Variants in TRIO observed in about 807,000 individuals in gnomAD.
TRIO encodes the protein triple functional domain protein.
TRIO carries 58 observed loss-of-function variants against 351.9 expected under a neutral mutation model. That is an observed-to-expected ratio of 0.16 (90% CI 0.13 to 0.21). The LOEUF (loss-of-function observed/expected upper bound fraction) is 0.21. Ranked by LOEUF, TRIO falls within the 10% of genes least tolerant of loss-of-function variation. The pLI is 1.00. For synonymous variants in TRIO, 1,758 were observed against 1,595.7 expected (o/e 1.10, Z -2.42); for missense variants, 3,201 against 4,027.8 (o/e 0.79, Z 5.56).
intron 1 of TRIO, among the ~76,000 whole-genome samples, chr5:14,170,100 T>C (rs181611007): frequency 1.2e-3 from 181 of 152,352 alleles, no homozygotes; most frequent in African/African-American, 4.3e-3. Context: ...GGAGCTCATC[T>C]GTAATCCTGG....
intron 46 of TRIO, 98 bp from the exon 47 acceptor site, chr5:14,484,971 A>G: frequency 1.5e-6 from 2 of 1,297,760 alleles, no homozygotes; most frequent in South Asian, 2.0e-5. Flanking sequence ...CTGTCCACAT[A>G]GCCCACATTT....
chr5:14,427,664 A>T (rs557187010), intron 34 of TRIO, among the ~76,000 whole-genome samples: 1 of 152,048 alleles, frequency 6.6e-6, no homozygotes, highest in Non-Finnish European at 1.5e-5. Context: ...CTTGTCCTGG[A>T]TTCTCACCGG....
chr5:14,481,533 T>A lies in TRIO; in HGVS notation c.6388-8T>A, dbSNP rs1755515647. 1 of 1,613,872 alleles carries A rather than the reference T, an allele frequency of 6.2e-7. No homozygotes were observed. The highest frequency in any genetic ancestry group is 1.1e-5 in the South Asian group (1 of 91,060). ...TGAGCTTTCACTCTTCTCTCTCCCC[T>A]CCCACAGAGAGCTGTGGAAGTCATG... On this transcript the variant is annotated splice_region_variant and splice_polypyrimidine_tract_variant and intron_variant, in intron 44 of 56. Transcript: ENST00000344204.
At chr5:14,399,301 C>T in intron 30 of TRIO, 1 of 523,120 alleles carries the variant, frequency 1.9e-6, no homozygotes. Context: ...TTCTTAAATC[C>T]TGTATCATAT....
At position 14,487,523 on chromosome 5, in the gene TRIO, AGCGGGGGCAGCGGCGGGG is replaced by A. The variant is rs1489789106; in HGVS notation, c.6897_6914del (p.Gly2307_Gly2312del). Reference sequence around the variant, plus strand: ...CAGCGGGGGCGGCGGCGGCGGCGGCAGCGGGGGCAGCGGCGGGGGTGGGGGCAGCGGCGGCGGCGGGGC... The same window carrying A: ...CAGCGGGGGCGGCGGCGGCGGCGGCAGTGGGGGCAGCGGCGGCGGCGGGGC... On this transcript the variant is annotated inframe_deletion, in exon 48 of 57. Coordinates refer to ENST00000344204, the MANE Select transcript of TRIO (RefSeq NM_007118.4). 4 of 897,880 alleles carry A rather than the reference AGCGGGGGCAGCGGCGGGG, an allele frequency of 4.5e-6. No homozygotes were observed. The African/African-American group carries it at 7.3e-5, about 16-fold the overall frequency. The allele number at this position is 897,880 out of a possible 1,614,324, so 55.6% of individuals were successfully genotyped here. A position where few individuals can be genotyped will look rare whatever the true frequency, so the allele number is the denominator to read the frequency against.
intron 1 of TRIO, among the ~76,000 whole-genome samples, chr5:14,146,373 C>T (rs530410862): frequency 6.6e-6 from 1 of 152,324 alleles, no homozygotes; most frequent in South Asian, 2.1e-4. Flanking sequence ...GCCAACCTGA[C>T]TTAGACAAAG....
chr5:14,257,428 T>C (rs1359517580), intron 1 of TRIO, among the ~76,000 whole-genome samples: 3 of 152,128 alleles, frequency 2.0e-5, no homozygotes, highest in Non-Finnish European at 4.4e-5. Context: ...TAGTAGTCTC[T>C]TCCAGGAAAA....
At chr5:14,325,312 C>G (rs1467048156) in intron 9 of TRIO, among the ~76,000 whole-genome samples, 2 of 152,184 alleles carry the variant, frequency 1.3e-5, no homozygotes, top group African/African-American at 2.4e-5. Flanking sequence ...TTATTTGGCT[C>G]ACGGTTCTGC....
intron 34 of TRIO, among the ~76,000 whole-genome samples, chr5:14,430,430 A>G (rs1751001495): frequency 6.6e-6 from 1 of 152,172 alleles, no homozygotes; most frequent in South Asian, 2.1e-4. Flanking sequence ...CCACATAACA[A>G]ATAAATGGCA....
chr5:14,148,744 T>A (rs1308567178), intron 1 of TRIO, among the ~76,000 whole-genome samples: 1 of 152,172 alleles, frequency 6.6e-6, no homozygotes, highest in Non-Finnish European at 1.5e-5. Flanking sequence ...ATCCTCCCAT[T>A]TCTTCCAAGT....
chr5:14,218,356 T>C (rs150333933), intron 1 of TRIO, among the ~76,000 whole-genome samples: 42 of 152,374 alleles, frequency 2.8e-4, no homozygotes, highest in Admixed American at 5.9e-4. Context: ...ATAACCCACA[T>C]AGAAGACTGA....
chr5:14,402,751 A>G (rs1748191850), intron 31 of TRIO, among the ~76,000 whole-genome samples: 1 of 147,224 alleles, frequency 6.8e-6, no homozygotes, highest in African/African-American at 2.5e-5. Flanking sequence ...GAGGGTATAG[A>G]TGGTGGTGGC....
At chr5:14,385,558 T>C (rs766307894) in intron 21 of TRIO, among the ~76,000 whole-genome samples, 6 of 152,216 alleles carry the variant, frequency 3.9e-5, no homozygotes, top group Non-Finnish European at 7.3e-5. Context: ...AAAATACTTA[T>C]ATACATTTGC....
At chr5:14,435,014 C>G (rs566354397) in intron 34 of TRIO, among the ~76,000 whole-genome samples, 1 of 152,240 alleles carries the variant, frequency 6.6e-6, no homozygotes, top group Non-Finnish European at 1.5e-5. Flanking sequence ...CTTCTCCGTG[C>G]ATCACGTCAG....
intron 1 of TRIO, among the ~76,000 whole-genome samples, chr5:14,148,175 G>T (rs1243317953): frequency 6.6e-6 from 1 of 152,200 alleles, no homozygotes; most frequent in African/African-American, 2.4e-5. Flanking sequence ...CCATTTAAAT[G>T]ATTAACCAGA....
chr5:14,204,750 T>C lies in TRIO; in HGVS notation c.157+60868T>C, dbSNP rs566938991. Among the ~76,000 whole-genome samples the C allele has an allele frequency of 8.1e-4, 124 of 152,254 alleles. 1 individual carries two copies. The highest frequency in any genetic ancestry group is 2.9e-3 in the African/African-American group (120 of 41,534). ...AACATGGAGAGTTAACCTAAGGATA[T>C]AGGAGCTTAGAGCAGTGACCCTGAC... is the stretch of plus-strand genomic sequence containing the variant. On this transcript the variant is annotated intron_variant, in intron 1 of 56. Coordinates refer to ENST00000344204, the MANE Select transcript of TRIO (RefSeq NM_007118.4).
intron 1 of TRIO, among the ~76,000 whole-genome samples, chr5:14,243,638 C>T (rs1266691395): frequency 6.6e-6 from 1 of 152,074 alleles, no homozygotes; most frequent in Admixed American, 6.6e-5. Flanking sequence ...ATAAGCCAAA[C>T]TAGTTTTTCC....
At chr5:14,275,653 A>C (rs1451026597) in intron 2 of TRIO, among the ~76,000 whole-genome samples, 1 of 150,252 alleles carries the variant, frequency 6.7e-6, no homozygotes, top group Non-Finnish European at 1.5e-5. Flanking sequence ...TTCTGTTTTC[A>C]TCTTCTTCTC....
chr5:14,351,788 A>G (rs1256258199), intron 11 of TRIO, among the ~76,000 whole-genome samples: 3 of 152,202 alleles, frequency 2.0e-5, no homozygotes, highest in Admixed American at 2.0e-4. Context: ...CCTGGGTTCA[A>G]ACTGCATCAG....
Sources: gnomAD v4.1 joint callset for allele counts (sites outside exome capture counted in the v4.1 genomes callset) on GRCh38, gnomAD v4.1.1 for gene constraint, MANE v1.5 for transcripts, NCBI Gene and HGNC (gene_info 2026-07-23, HGNC 2026-07-21) for gene names.